LRRC4C: variants seen among roughly 807,000 people sequenced by gnomAD.
LRRC4C encodes leucine rich repeat containing 4C, also known as leucine-rich repeat-containing protein 4C.
A neutral mutation model predicts 33.6 loss-of-function variants in LRRC4C; 5 were observed. The observed-to-expected ratio is 0.15, with a 90% CI of 0.08 to 0.31. LRRC4C has a LOEUF of 0.31. LRRC4C is among the 10% of genes least tolerant of loss of function. The pLI is 1.00. For missense variants in LRRC4C, 560 were observed against 796.7 expected (o/e 0.70, Z 3.58); for synonymous variants, 329 against 302.0 (o/e 1.09, Z -0.93).
At chr11:40,801,081 A>T (rs565682993) in intron 2 of LRRC4C, among the ~76,000 whole-genome samples, 1 of 151,634 alleles carries the variant, frequency 6.6e-6, no homozygotes, top group South Asian at 2.1e-4. Context: ...GTCTTGACTA[A>T]GTTCTTCCTG....
In LRRC4C at chr11:40,792,188, T is replaced by A. The variant is rs143994910; in HGVS notation, c.-407+141447A>T. On this transcript the variant is annotated intron_variant, in intron 2 of 6. Transcript: ENST00000528697. ...TGCTAATTTGATATTGAAGAAAATA[T>A]GACATGTTTCATTATTTTTGTCCTT... is the stretch of plus-strand genomic sequence containing the variant. Among the ~76,000 whole-genome samples the A allele has an allele frequency of 3.6e-3, 554 of 152,212 alleles. 4 individuals are homozygous for A. The highest frequency in any genetic ancestry group is 0.013 in the African/African-American group (528 of 41,554).
intron 1 of LRRC4C, among the ~76,000 whole-genome samples, chr11:41,386,157 C>G (rs774944557): frequency 2.0e-5 from 3 of 151,452 alleles, no homozygotes; most frequent in African/African-American, 4.8e-5. Context: ...TTACCAGCAA[C>G]TAGTTAAATG....
chr11:40,564,626 G>T (rs1315717273), intron 3 of LRRC4C, among the ~76,000 whole-genome samples: 1 of 152,120 alleles, frequency 6.6e-6, no homozygotes, highest in Non-Finnish European at 1.5e-5. Context: ...AAATGATCCT[G>T]TGGCTTATTT....
intron 4 of LRRC4C, among the ~76,000 whole-genome samples, chr11:40,297,147 C>T (rs1353724350): frequency 6.6e-6 from 1 of 152,074 alleles, no homozygotes; most frequent in Non-Finnish European, 1.5e-5. Flanking sequence ...AGTAACTTTG[C>T]TTAAAAATAA....
At chr11:40,143,987 G>T (rs12786815) in intron 5 of LRRC4C, among the ~76,000 whole-genome samples, 9,400 of 152,172 alleles carry the variant, frequency 0.062, 428 homozygotes, top group Middle Eastern at 0.11. Context: ...TAAACATGGG[G>T]GTGGTAACGA....
Position 40,831,500 on chromosome 11 carries a change from T to A in LRRC4C, c.-407+102135A>T, listed in dbSNP as rs1424652008. Among the ~76,000 whole-genome samples the A allele has an allele frequency of 2.0e-5, 3 of 152,172 alleles. No homozygotes were observed. The East Asian group carries it at 5.8e-4, about 29-fold the overall frequency. On this transcript the variant is annotated intron_variant, in intron 2 of 6. Transcript: ENST00000528697. The stretch of plus-strand genomic sequence containing the variant: ...TAATACAAAAATAAATAATTAGATT[T>A]ACAATTTGAAATTTATTCTTAAAAT...
intron 1 of LRRC4C, among the ~76,000 whole-genome samples, chr11:41,381,394 G>A (rs950224479): frequency 3.6e-4 from 55 of 152,082 alleles, no homozygotes; most frequent in Admixed American, 2.6e-4. Context: ...TTGGGAGGCC[G>A]AGGCGGGCAG....
At chr11:40,581,088 G>A (rs1490371181) in intron 3 of LRRC4C, among the ~76,000 whole-genome samples, 1 of 152,122 alleles carries the variant, frequency 6.6e-6, no homozygotes, top group Non-Finnish European at 1.5e-5. Context: ...TCCTTTGACT[G>A]CTTTTCCCAT....
At chr11:40,997,839 C>T (rs1481216735) in intron 1 of LRRC4C, among the ~76,000 whole-genome samples, 1 of 152,080 alleles carries the variant, frequency 6.6e-6, no homozygotes, top group East Asian at 1.9e-4. Context: ...AATATACAAA[C>T]TTGCAGTTAT....
intron 1 of LRRC4C, among the ~76,000 whole-genome samples, chr11:41,200,184 T>C (rs546179118): frequency 8.5e-5 from 13 of 152,286 alleles, no homozygotes; most frequent in African/African-American, 2.9e-4. Flanking sequence ...GAGATTGGAA[T>C]GATGTTGATC....
intron 3 of LRRC4C, among the ~76,000 whole-genome samples, chr11:40,485,912 A>G (rs1439046774): frequency 6.6e-6 from 1 of 152,064 alleles, no homozygotes; most frequent in Non-Finnish European, 1.5e-5. Context: ...CAAATACTGC[A>G]TGTTCTCACT....
intron 1 of LRRC4C, among the ~76,000 whole-genome samples, chr11:41,117,106 G>T (rs1022325529): frequency 6.6e-6 from 1 of 152,076 alleles, no homozygotes; most frequent in Admixed American, 6.5e-5. Context: ...AAAAACTTGC[G>T]GCCCAGGGAC....
chr11:40,432,367 T>C (rs1162874235), intron 3 of LRRC4C, among the ~76,000 whole-genome samples: 1 of 152,228 alleles, frequency 6.6e-6, no homozygotes, highest in Non-Finnish European at 1.5e-5. Context: ...TCACAGTATA[T>C]AATGTTATAA....
chr11:40,528,356 A>G (rs1956140515), intron 3 of LRRC4C, among the ~76,000 whole-genome samples: 1 of 152,206 alleles, frequency 6.6e-6, no homozygotes. Flanking sequence ...AGCCTGATTT[A>G]AGAATGAGAT....
rs546232834 is a variant in LRRC4C, at chr11:40,973,929, T to G, written c.-495-40206A>C. Among the ~76,000 whole-genome samples, 15 of 152,270 alleles carry G rather than the reference T, an allele frequency of 9.9e-5. No homozygotes were observed. In the East Asian group the frequency reaches 2.9e-3, roughly 29 times the overall value. On this transcript the variant is annotated intron_variant, in intron 1 of 6. Transcript: ENST00000528697. ...AAGTAGGGATTGTGGAGCCTCTTTT[T>G]CCAGTCTCCTTGGTGGTCTCTAAGT...
chr11:40,268,359 A>G (rs559175071), intron 4 of LRRC4C, among the ~76,000 whole-genome samples: 1 of 152,324 alleles, frequency 6.6e-6, no homozygotes, highest in African/African-American at 2.4e-5. Context: ...GAACTTCAAG[A>G]AGACTTGAAA....
At chr11:41,414,039 C>T (rs2958854) in intron 1 of LRRC4C, among the ~76,000 whole-genome samples, 74,165 of 151,948 alleles carry the variant, frequency 0.49, 18,359 homozygotes, top group South Asian at 0.6. Context: ...TCACTTCCAC[C>T]CTGTGTGATT....
At position 40,945,023 on chromosome 11, in the gene LRRC4C, C is replaced by CTTTT. The variant is rs767515626; in HGVS notation, c.-495-11304_-495-11301dup. Reference sequence around the variant, plus strand: ...AGTGGTGTTCAACTTTGCAGTTTTTCTTTTTTTTTTTTTTTTTTTTTTGAG... The same window carrying CTTTT: ...AGTGGTGTTCAACTTTGCAGTTTTTCTTTTTTTTTTTTTTTTTTTTTTTTTTGAG... On this transcript the variant is annotated intron_variant, in intron 1 of 6. Coordinates refer to ENST00000528697, the MANE Select transcript of LRRC4C (RefSeq NM_001258419.2). 1.4e-3 allele frequency among the ~76,000 whole-genome samples: 160 copies of CTTTT among 111,070 alleles called. 2 individuals carry two copies. Among genetic ancestry groups the CTTTT allele is most frequent in the African/African-American group, 2.9e-3 (81 of 27,752 alleles). 72.9% of individuals were successfully genotyped at this position (111,070 alleles called of 152,430 possible).
intron 1 of LRRC4C, among the ~76,000 whole-genome samples, chr11:41,456,583 C>T (rs1486773151): frequency 3.3e-5 from 5 of 152,116 alleles, no homozygotes; most frequent in Non-Finnish European, 7.4e-5. Context: ...CCTTTATTCT[C>T]CCCAATAAAC....
Sources: gnomAD v4.1 joint callset for allele counts (sites outside exome capture counted in the v4.1 genomes callset) on GRCh38, gnomAD v4.1.1 for gene constraint, MANE v1.5 for transcripts, NCBI Gene and HGNC (gene_info 2026-07-23, HGNC 2026-07-21) for gene names.